PRR11: variants seen among roughly 807,000 people sequenced by gnomAD.
The protein encoded by PRR11 is proline-rich protein 11.
PRR11 carries 30 observed loss-of-function variants against 45.6 expected under a neutral mutation model. The ratio of observed to expected loss-of-function variants is 0.66; its 90% confidence interval spans 0.49 to 0.89. The LOEUF (loss-of-function observed/expected upper bound fraction) is 0.89. PRR11 is among the 40% of genes least tolerant of loss of function. The pLI is 0.00. For synonymous variants in PRR11, 128 were observed against 153.5 expected (o/e 0.83, Z 1.23); for missense variants, 373 against 424.8 (o/e 0.88, Z 1.07).
chr17:59,182,792 G>T (rs1178448321), intron 2 of PRR11, among the ~76,000 whole-genome samples: 1 of 152,074 alleles, frequency 6.6e-6, no homozygotes, highest in Non-Finnish European at 1.5e-5. Flanking sequence ...CCTGGAGGGG[G>T]TACCCTGAGG....
intron 2 of PRR11, among the ~76,000 whole-genome samples, chr17:59,174,625 G>A (rs2147841034): frequency 6.6e-6 from 1 of 152,226 alleles, no homozygotes; most frequent in South Asian, 2.1e-4. Context: ...TATGGAGAGG[G>A]GATCTCGCCA....
intron 2 of PRR11, among the ~76,000 whole-genome samples, chr17:59,175,605 T>C (rs979068376): frequency 6.6e-6 from 1 of 152,152 alleles, no homozygotes; most frequent in African/African-American, 2.4e-5. Context: ...CAGCCTGGTG[T>C]GGTGGCACAC....
chr17:59,174,984 C>G (rs2046735695), intron 2 of PRR11: 8 of 794,158 alleles, frequency 1.0e-5, no homozygotes, highest in Admixed American at 7.7e-5. Context: ...CAGGGAAACC[C>G]AAGCCCTCCA....
Position 59,205,697 on chromosome 17 carries a change from CAA to C in PRR11, c.*4080_*4081del, listed in dbSNP as rs1057003239. On this transcript the variant is annotated 3_prime_UTR_variant, in exon 10 of 10. Coordinates refer to ENST00000262293, the MANE Select transcript of PRR11 (RefSeq NM_018304.4). ...TTGAGCAACAAGAGCGAAACTGTCT[CAA>C]AAAAAAAAAAAAAGTATATGTTAAG... Among the ~76,000 whole-genome samples, 7 of 115,160 alleles carry C rather than the reference CAA, an allele frequency of 6.1e-5. No homozygotes were observed. The highest frequency in any genetic ancestry group is 8.9e-5 in the Admixed American group (1 of 11,248). 75.5% of individuals were successfully genotyped at this position (115,160 alleles called of 152,430 possible). A position where few individuals can be genotyped will look rare whatever the true frequency, so the allele number is the denominator to read the frequency against.
chr17:59,198,806 C>T (rs1485793496), intron 9 of PRR11, among the ~76,000 whole-genome samples: 1 of 152,098 alleles, frequency 6.6e-6, no homozygotes, highest in Non-Finnish European at 1.5e-5. Flanking sequence ...CACTGCACTC[C>T]AGCCTGGGTG....
intron 2 of PRR11, chr17:59,181,840 TC>T: frequency 7.2e-7 from 1 of 1,386,320 alleles, no homozygotes; most frequent in Non-Finnish European, 9.7e-7. Context: ...CTCTCCATCC[TC>T]CCCAGCCTTG....
chr17:59,186,066 C>T (rs2046812482), intron 4 of PRR11, among the ~76,000 whole-genome samples: 1 of 152,178 alleles, frequency 6.6e-6, no homozygotes, highest in Non-Finnish European at 1.5e-5. Context: ...GTTGGTTCCA[C>T]ATCACTTCCA....
In PRR11 at chr17:59,204,048, A is replaced by G. The variant is rs1218508618; in HGVS notation, c.*2417A>G. 1.3e-5 allele frequency: 2 copies of G among 152,108 alleles called. No individual in the cohort carries two copies. Among genetic ancestry groups the G allele is most frequent in the African/African-American group, 2.4e-5 (1 of 41,416 alleles). The allele number at this position is 152,108 out of a possible 1,614,324, so 9.4% of individuals were successfully genotyped here. A position where few individuals can be genotyped will look rare whatever the true frequency, so the allele number is the denominator to read the frequency against. On this transcript the variant is annotated 3_prime_UTR_variant, in exon 10 of 10. Transcript: ENST00000262293. ...AATATTGTAAACCACTGTGTACTCT[A>G]TTCATTTAATGCTAAATGACTTGAC...
chr17:59,172,683 G>C (rs2046716398), intron 2 of PRR11, among the ~76,000 whole-genome samples: 2 of 152,372 alleles, frequency 1.3e-5, no homozygotes, highest in African/African-American at 4.8e-5. Flanking sequence ...GCTGCAGGGG[G>C]TGCGCGGGGT....
Position 59,185,581 on chromosome 17 carries a change from A to G in PRR11, c.402+19A>G. 1 of 1,578,610 alleles carries G rather than the reference A, an allele frequency of 6.3e-7. No individual in the cohort carries two copies. Among genetic ancestry groups the G allele is most frequent in the Non-Finnish European group, 8.6e-7 (1 of 1,164,264 alleles). On this transcript the variant is annotated intron_variant, in intron 4 of 9. Coordinates refer to ENST00000262293, the MANE Select transcript of PRR11 (RefSeq NM_018304.4). Reference sequence around the variant, plus strand: ...ACTGAAGGTTGGTATTGTCAAATAAAAAGCAAATCTGGAATTAGGTAAGGA... The same window carrying G: ...ACTGAAGGTTGGTATTGTCAAATAAGAAGCAAATCTGGAATTAGGTAAGGA...
chr17:59,201,125 A>G (rs900708737), intron 9 of PRR11, among the ~76,000 whole-genome samples: 1 of 151,798 alleles, frequency 6.6e-6, no homozygotes, highest in Admixed American at 6.6e-5. Flanking sequence ...CAAGTCCCCA[A>G]AGTCCACTGT....
intron 2 of PRR11, among the ~76,000 whole-genome samples, chr17:59,175,995 G>A (rs2046743048): frequency 6.6e-6 from 1 of 152,148 alleles, no homozygotes; most frequent in Admixed American, 6.5e-5. Context: ...GAGTAATCAG[G>A]GCAGATGACG....
At chr17:59,171,155 C>T (rs1445007055) in intron 2 of PRR11, among the ~76,000 whole-genome samples, 2 of 151,868 alleles carry the variant, frequency 1.3e-5, no homozygotes, top group Admixed American at 6.6e-5. Context: ...CCCAGCTACT[C>T]GGGAGGCTGA....
rs755255887 is a variant in PRR11 at position 59,185,185 on chromosome 17, G to A, written c.260G>A (p.Cys87Tyr). 1.9e-6 allele frequency: 3 copies of A among 1,613,900 alleles called. No individual in the cohort carries two copies. In the South Asian group the frequency reaches 3.3e-5, roughly 18 times the overall value. ...AGAGTATGGTCTATATACAGCTGGTGCCAGAACTGCATAACCCAGGTATGG... is the reference window on the plus strand; with the variant it reads ...AGAGTATGGTCTATATACAGCTGGTACCAGAACTGCATAACCCAGGTATGG... Reference protein sequence around the residue: ...TNRVWSIYSWCQNCITQSLEV... With the variant: ...TNRVWSIYSWYQNCITQSLEV... The change falls in exon 3 of 10, where the codon TGC becomes TAC. Residue 87 changes from cysteine to tyrosine, a missense_variant. Physicochemically the swap from Cys to Tyr is radical, Grantham distance 194. Coordinates refer to ENST00000262293, the MANE Select transcript of PRR11 (RefSeq NM_018304.4).
intron 2 of PRR11, among the ~76,000 whole-genome samples, chr17:59,173,185 G>A (rs1329321997): frequency 6.6e-6 from 1 of 152,108 alleles, no homozygotes; most frequent in African/African-American, 2.4e-5. Flanking sequence ...TCTAGCTCAG[G>A]GATTGTAAAG....
intron 4 of PRR11, among the ~76,000 whole-genome samples, chr17:59,190,540 A>C (rs1163769986): frequency 3.9e-5 from 6 of 152,220 alleles, no homozygotes; most frequent in Non-Finnish European, 7.3e-5. Flanking sequence ...TCACTAAGAA[A>C]GCACCTAGAA....
Position 59,188,674 on chromosome 17 carries a change from C to T in PRR11, c.402+3112C>T, listed in dbSNP as rs139975193. 2.5e-4 allele frequency among the ~76,000 whole-genome samples: 38 copies of T among 152,184 alleles called. No homozygotes were observed. The East Asian group carries it at 7.3e-3, about 29-fold the overall frequency. On this transcript the variant is annotated intron_variant, in intron 4 of 9. Coordinates refer to ENST00000262293, the MANE Select transcript of PRR11 (RefSeq NM_018304.4). ...ACACTAATGGCCAGGCGTGGTGGCTCACACCTGTAATCCCAGCACTTTGCA... is the reference window on the plus strand; with the variant it reads ...ACACTAATGGCCAGGCGTGGTGGCTTACACCTGTAATCCCAGCACTTTGCA...
chr17:59,160,378 T>C (rs1394151085), intron 1 of PRR11, among the ~76,000 whole-genome samples: 1 of 152,206 alleles, frequency 6.6e-6, no homozygotes, highest in Admixed American at 6.5e-5. Context: ...GTTTGTTTGT[T>C]TGGTTGGTTG....
At chr17:59,199,543 C>T (rs2046882642) in intron 9 of PRR11, among the ~76,000 whole-genome samples, 1 of 152,142 alleles carries the variant, frequency 6.6e-6, no homozygotes. Flanking sequence ...TCTTCCAAAC[C>T]CTGTTGATCT....
Sources: gnomAD v4.1 joint callset for allele counts (sites outside exome capture counted in the v4.1 genomes callset) on GRCh38, gnomAD v4.1.1 for gene constraint, MANE v1.5 for transcripts, NCBI Gene and HGNC (gene_info 2026-07-23, HGNC 2026-07-21) for gene names.